Variants in WDR48 observed in about 807,000 individuals in gnomAD.
The protein encoded by WDR48 is WD repeat-containing protein 48.
Under a neutral mutation model 94.0 loss-of-function variants are expected in WDR48, and 22 were observed. The ratio of observed to expected loss-of-function variants is 0.23; its 90% CI spans 0.17 to 0.33. The LOEUF (loss-of-function observed/expected upper bound fraction) is 0.33. WDR48 is among the 10% of genes least tolerant of loss of function. The pLI is 1.00. For synonymous variants in WDR48, 278 were observed against 280.5 expected (o/e 0.99, Z 0.09); for missense variants, 541 against 813.8 (o/e 0.66, Z 4.08).
rs115523432 is a variant in WDR48 at position 39,072,330 on chromosome 3, C to T, written c.673-2396C>T. On this transcript the variant is annotated intron_variant, in intron 7 of 18. Coordinates refer to ENST00000302313, the MANE Select transcript of WDR48 (RefSeq NM_020839.4). ...TGCTTGAGGAGCTGGGACAACCTGC[C>T]ATCTTGATTTGAGTCAGTCATGTCC... is the stretch of plus-strand genomic sequence containing the variant. 2.1e-3 allele frequency among the ~76,000 whole-genome samples: 312 copies of T among 151,934 alleles called. 1 individual carries two copies. The highest frequency in any genetic ancestry group is 7.2e-3 in the African/African-American group (299 of 41,508).
At position 39,093,968 on chromosome 3, in the gene WDR48, A is replaced by T. The variant is rs2035214728; in HGVS notation, c.1840A>T (p.Thr614Ser). ...CAACTTGGATAATGAGTCTCAAACC[A>T]CTAGCTCTTCTAATAATGAAAAACC... ...IINLDNESQT[T>S]SSSNNEKPGE... Residue 614 changes from threonine to serine, a missense_variant, in exon 18 of 19, where the codon ACT (threonine) becomes TCT (serine). By Grantham distance (58) the Thr-to-Ser change is moderately conservative. Coordinates refer to ENST00000302313, the MANE Select transcript of WDR48 (RefSeq NM_020839.4). 7 of 1,614,172 alleles carry T rather than the reference A, an allele frequency of 4.3e-6. No homozygotes were observed. Among genetic ancestry groups the T allele is most frequent in the Non-Finnish European group, 5.9e-6 (7 of 1,180,028 alleles).
At position 39,077,124 on chromosome 3, in the gene WDR48, G is replaced by A; in HGVS notation, c.898-15G>A. 1.2e-6 allele frequency: 2 copies of A among 1,613,882 alleles called. No individual in the cohort carries two copies. The highest frequency in any genetic ancestry group is 1.7e-6 in the Non-Finnish European group (2 of 1,179,862). On this transcript the variant is annotated splice_polypyrimidine_tract_variant and intron_variant, in intron 8 of 18. Coordinates refer to ENST00000302313, the MANE Select transcript of WDR48 (RefSeq NM_020839.4). ...TGACATTCCACAAAGCAATATTTTTGTGCTTTGTTTTCAGATGGAGCTTGA... is the reference window on the plus strand; with the variant it reads ...TGACATTCCACAAAGCAATATTTTTATGCTTTGTTTTCAGATGGAGCTTGA...
intron 8 of WDR48, 62 bp from the exon 9 acceptor site, chr3:39,077,077 A>T: frequency 6.4e-7 from 1 of 1,569,382 alleles, no homozygotes; most frequent in Non-Finnish European, 8.8e-7. Flanking sequence ...TAACATATCT[A>T]GTCCTGGCAG....
intron 10 of WDR48, 150 bp downstream of exon 10, chr3:39,078,389 GTTTT>G (rs955395155): frequency 1.6e-6 from 1 of 624,384 alleles, no homozygotes; most frequent in Admixed American, 3.5e-5. Flanking sequence ...TAAGGAAAAG[GTTTT>G]TTTTTGTTTG....
At chr3:39,071,887 C>T (rs1002817768) in intron 7 of WDR48, among the ~76,000 whole-genome samples, 15 of 152,156 alleles carry the variant, frequency 9.9e-5, no homozygotes, top group Admixed American at 1.3e-4. Flanking sequence ...AATGAATTGA[C>T]CAACAAAAAA....
At chr3:39,057,485 A>T (rs2032971036) in intron 1 of WDR48, among the ~76,000 whole-genome samples, 1 of 152,246 alleles carries the variant, frequency 6.6e-6, no homozygotes, top group Admixed American at 6.5e-5. Context: ...AATTACTTGG[A>T]TAACAAATGA....
chr3:39,053,825 G>C (rs1448765574), intron 1 of WDR48, among the ~76,000 whole-genome samples: 2 of 152,184 alleles, frequency 1.3e-5, no homozygotes, highest in Non-Finnish European at 2.9e-5. Flanking sequence ...TGGAAAAACA[G>C]TGTTCCAATA....
intron 7 of WDR48, among the ~76,000 whole-genome samples, chr3:39,073,803 G>A (rs7629839): frequency 0.48 from 73,138 of 152,118 alleles, 21,471 homozygotes; most frequent in African/African-American, 0.84. Context: ...AGTGTCCAAC[G>A]CAAAGAGTGA....
At position 39,078,175 on chromosome 3, in the gene WDR48, T is replaced by A. The variant is rs1027341864; in HGVS notation, c.1011T>A (p.Asp337Glu). Residue 337 changes from aspartate (D) to glutamate (E), a missense_variant, in exon 10 of 19, where the codon GAT (aspartate) becomes GAA (glutamate). Around this residue, in one of 5 missense-constraint regions of WDR48, gnomAD observed 238 missense variants for 285.3 expected, o/e 0.83. Transcript: ENST00000302313. Reference sequence around the variant, plus strand: ...TTCATAATTTTAGAGCCTCTGGAGATTATGACAATGACTGTACAAATCCTA... The same window carrying A: ...TTCATAATTTTAGAGCCTCTGGAGAATATGACAATGACTGTACAAATCCTA... ...KGIHNFRASG[D>E]YDNDCTNPIT... 31 of 1,612,422 alleles carry A rather than the reference T, an allele frequency of 1.9e-5. No homozygotes were observed. The highest frequency in any genetic ancestry group is 2.5e-5 in the Non-Finnish European group (29 of 1,179,450).
At chr3:39,057,272 G>A (rs1041519942) in intron 1 of WDR48, among the ~76,000 whole-genome samples, 1 of 152,118 alleles carries the variant, frequency 6.6e-6, no homozygotes, top group African/African-American at 2.4e-5. Flanking sequence ...TGAGTAAATC[G>A]ATAATGTCTA....
At chr3:39,054,124 A>G (rs1267650241) in intron 1 of WDR48, among the ~76,000 whole-genome samples, 2 of 152,226 alleles carry the variant, frequency 1.3e-5, no homozygotes, top group Non-Finnish European at 2.9e-5. Flanking sequence ...CTGAACCATC[A>G]TTGTCTATGA....
chr3:39,065,945 T>C, intron 3 of WDR48, 56 bp downstream of exon 3: 2 of 1,332,224 alleles, frequency 1.5e-6, no homozygotes, highest in Non-Finnish European at 2.1e-6. Context: ...GTTTTTTATA[T>C]AAGCTTTTTT....
chr3:39,084,937 CT>C (rs1229404821), intron 13 of WDR48, among the ~76,000 whole-genome samples, 196 bp downstream of exon 13: 5 of 152,144 alleles, frequency 3.3e-5, no homozygotes, highest in African/African-American at 7.2e-5. Flanking sequence ...TTTAAAGAAT[CT>C]GATTCTCGGC....
At chr3:39,078,993 G>A (rs1428346072) in intron 10 of WDR48, among the ~76,000 whole-genome samples, 2 of 147,002 alleles carry the variant, frequency 1.4e-5, no homozygotes, top group African/African-American at 2.5e-5. Flanking sequence ...TCCCGCCACT[G>A]CACTCCAGCC....
intron 1 of WDR48, among the ~76,000 whole-genome samples, chr3:39,053,368 A>C (rs1337490390): frequency 6.6e-6 from 1 of 152,190 alleles, no homozygotes. Flanking sequence ...ATTAGTTCAC[A>C]TCTTGGTTTT....
At chr3:39,065,972 A>C (rs2125646733) in intron 3 of WDR48, 83 bp downstream of exon 3, 1 of 976,152 alleles carries the variant, frequency 1.0e-6, no homozygotes, top group East Asian at 2.7e-5. Flanking sequence ...ACATACATAC[A>C]GAAAAGTACA....
intron 6 of WDR48, 43 bp downstream of exon 6, chr3:39,068,902 T>C (rs118055305): frequency 0.027 from 37,446 of 1,373,062 alleles, 711 homozygotes; most frequent in South Asian, 0.065. Flanking sequence ...AAAAATTATT[T>C]TTCACATACC....
At chr3:39,060,697 G>C (rs2125638167) in intron 1 of WDR48, among the ~76,000 whole-genome samples, 1 of 152,250 alleles carries the variant, frequency 6.6e-6, no homozygotes, top group East Asian at 1.9e-4. Flanking sequence ...TTTTTATGCT[G>C]GCCAGGTGCA....
At chr3:39,089,404 C>T (rs1270719754) in intron 16 of WDR48, 86 bp downstream of exon 16, 5 of 1,309,750 alleles carry the variant, frequency 3.8e-6, no homozygotes, top group Non-Finnish European at 5.3e-6. Context: ...TAATTTTAAA[C>T]CTTAATAAAA....
Sources: allele counts gnomAD v4.1 joint callset (sites outside exome capture counted in the v4.1 genomes callset), GRCh38; gene constraint gnomAD v4.1.1; regional missense constraint gnomAD v4.1.1; transcripts MANE v1.5; gene names NCBI Gene and HGNC (gene_info 2026-07-23, HGNC 2026-07-21).